AGPAT2: variants seen among roughly 807,000 people sequenced by gnomAD.
AGPAT2 encodes the protein 1-acylglycerol-3-phosphate O-acyltransferase 2.
Under a neutral mutation model 26.1 loss-of-function variants are expected in AGPAT2, and 18 were observed. The observed-to-expected ratio is 0.69, with a 90% confidence interval of 0.48 to 1.02. The LOEUF is 1.02. AGPAT2 is among the 50% of genes least tolerant of loss of function. The pLI, the probability that AGPAT2 is intolerant of heterozygous loss-of-function variation, is 0.00. For missense variants in AGPAT2, 415 were observed against 394.9 expected, an observed-to-expected ratio of 1.05 and a Z score of -0.43; for synonymous variants, 200 against 174.2, an observed-to-expected ratio of 1.15 and a Z score of -1.16.
chr9:136,674,269 T>A (rs1228938573), intron 5 of AGPAT2, among the ~76,000 whole-genome samples: 2 of 152,090 alleles, frequency 1.3e-5, no homozygotes, highest in African/African-American at 2.4e-5. Context: ...TGGAGCTGGG[T>A]TCCCCCACTG....
chr9:136,676,080 C>T (rs1846086423), intron 4 of AGPAT2, among the ~76,000 whole-genome samples: 1 of 152,144 alleles, frequency 6.6e-6, no homozygotes, highest in South Asian at 2.1e-4. Flanking sequence ...CCCTAGGATG[C>T]ACTGCACCCC....
At chr9:136,676,411 C>T (rs1223475071) in intron 4 of AGPAT2, among the ~76,000 whole-genome samples, 174 bp downstream of exon 4, 1 of 152,204 alleles carries the variant, frequency 6.6e-6, no homozygotes, top group Non-Finnish European at 1.5e-5. Flanking sequence ...CCTCCCTGGT[C>T]GGTCAGGGGG....
At position 136,674,770 on chromosome 9, in the gene AGPAT2, G is replaced by T. The variant is rs748693822; in HGVS notation, c.626C>A (p.Ser209Tyr). 6.5e-7 allele frequency: 1 copy of T among 1,533,558 alleles called. No homozygotes were observed. The highest frequency in any genetic ancestry group is 8.8e-7 in the Non-Finnish European group (1 of 1,139,606). The allele number at this position is 1,533,558 out of a possible 1,614,324, so 95.0% of individuals were successfully genotyped here. A position where few individuals can be genotyped will look rare whatever the true frequency, so the allele number is the denominator to read the frequency against. The change falls in exon 5 of 6, where the codon TCC (serine) becomes TAC (tyrosine). Residue 209 changes from serine to tyrosine, a missense_variant. Ser to Tyr is a moderately radical substitution (Grantham distance 144). Transcript: ENST00000371696. ...IVPVVYSSFS[S>Y]FYNTKKKFFT... The stretch of plus-strand genomic sequence containing the variant: ...GAACTTCTTCTTGGTGTTGTAGAAG[G>T]AGGAGAAGGAAGAGTACACCACGGG...
intron 1 of AGPAT2, 38 bp from the exon 2 acceptor site, chr9:136,677,594 T>C: frequency 1.2e-6 from 2 of 1,604,458 alleles, no homozygotes; most frequent in Non-Finnish European, 1.7e-6. Flanking sequence ...GTCCCACAGA[T>C]CCCGCAGCCG....
chr9:136,686,084 G>T (rs139899997), intron 1 of AGPAT2, among the ~76,000 whole-genome samples: 6 of 152,292 alleles, frequency 3.9e-5, no homozygotes, highest in Non-Finnish European at 8.8e-5. Context: ...TCACCATCAG[G>T]CCCAGGGTCC....
At chr9:136,677,875 C>A (rs982201886) in intron 1 of AGPAT2, among the ~76,000 whole-genome samples, 9 of 152,332 alleles carry the variant, frequency 5.9e-5, no homozygotes, top group African/African-American at 1.4e-4. Context: ...TCATCCACCC[C>A]ACAGGGGACC....
chr9:136,687,390 T>TCC lies in AGPAT2; in HGVS notation c.-34_-33insGG. ...CCCGGCGCCCGACGGCGCCGCCAGCTCGCTCCCGCTCCCGCTCCCGCTTCT... is the reference window on the plus strand; with the variant it reads ...CCCGGCGCCCGACGGCGCCGCCAGCTCCCGCTCCCGCTCCCGCTCCCGCTTCT... On this transcript the variant is annotated 5_prime_UTR_variant, in exon 1 of 6. Coordinates refer to ENST00000371696, the MANE Select transcript of AGPAT2 (RefSeq NM_006412.4). 1.4e-6 allele frequency: 2 copies of TCC among 1,417,662 alleles called. No individual in the cohort carries two copies. The highest frequency in any genetic ancestry group is 1.8e-6 in the Non-Finnish European group (2 of 1,092,768). 87.8% of individuals were successfully genotyped at this position (1,417,662 alleles called of 1,614,324 possible). A position where few individuals can be genotyped will look rare whatever the true frequency, so the allele number is the denominator to read the frequency against.
chr9:136,687,131 C>T, intron 1 of AGPAT2, 45 bp downstream of exon 1: 1 of 1,545,870 alleles, frequency 6.5e-7, no homozygotes, highest in Non-Finnish European at 8.7e-7. Context: ...GAAGCGGAAG[C>T]GGCGCGGCGG....
At chr9:136,681,809 C>CA (rs954875534) in intron 1 of AGPAT2, among the ~76,000 whole-genome samples, 5 of 151,884 alleles carry the variant, frequency 3.3e-5, no homozygotes, top group Admixed American at 2.0e-4. Flanking sequence ...CTCACACACA[C>CA]AAAAAAAGTG....
At chr9:136,677,611 G>A (rs1846110613) in intron 1 of AGPAT2, 55 bp from the exon 2 acceptor site, 4 of 1,609,162 alleles carry the variant, frequency 2.5e-6, no homozygotes, top group Non-Finnish European at 3.4e-6. Flanking sequence ...GCCGAGGCTG[G>A]GGCGCGAAGG....
At chr9:136,685,737 C>T (rs1054184678) in intron 1 of AGPAT2, among the ~76,000 whole-genome samples, 2 of 152,158 alleles carry the variant, frequency 1.3e-5, no homozygotes, top group African/African-American at 2.4e-5. Context: ...CTGGGAAAGC[C>T]GCACCCTCGC....
chr9:136,674,798 C>T lies in AGPAT2; in HGVS notation c.598G>A (p.Val200Ile), dbSNP rs17855341. ...GAGAAGGAAGAGTACACCACGGGGA[C>T]GATGGGCACCTGCAGGCAGGGAGAC... Reference protein sequence around the residue: ...YLAVQAQVPIVPVVYSSFSSF... With the variant: ...YLAVQAQVPIIPVVYSSFSSF... Residue 200 changes from valine to isoleucine, a missense_variant, in exon 5 of 6, where the codon GTC (valine) becomes ATC (isoleucine). Val to Ile is a conservative substitution (Grantham distance 29). Coordinates refer to ENST00000371696, the MANE Select transcript of AGPAT2 (RefSeq NM_006412.4). 3.9e-6 allele frequency: 6 copies of T among 1,545,596 alleles called. No homozygotes were observed. The highest frequency in any genetic ancestry group is 1.9e-5 in the Admixed American group (1 of 51,516).
intron 4 of AGPAT2, among the ~76,000 whole-genome samples, chr9:136,676,087 C>G (rs555604853): frequency 2.6e-5 from 4 of 152,156 alleles, no homozygotes; most frequent in African/African-American, 9.6e-5. Context: ...ATGCACTGCA[C>G]CCCTGGAGGC....
In AGPAT2 at chr9:136,677,051, G is replaced by A. The variant is rs1846100805; in HGVS notation, c.402C>T (p.Tyr134=). 8.7e-6 allele frequency: 14 copies of A among 1,613,240 alleles called. No individual in the cohort carries two copies. The East Asian group carries it at 1.1e-4, about 13-fold the overall frequency. ...LFLGPVGLIM[Y]LGGVFFINRQ... is the part of the protein sequence containing the mutation. The stretch of plus-strand genomic sequence containing the variant: ...GGTTGATGAAGAAGACGCCCCCGAG[G>A]TACATGATGAGGCCCACGGGCCCCA... The change falls in exon 3 of 6, where the codon TAC becomes TAT. Residue 134 remains tyrosine (Y), a synonymous_variant. Transcript: ENST00000371696.
intron 1 of AGPAT2, among the ~76,000 whole-genome samples, chr9:136,686,484 C>G (rs539467679): frequency 6.6e-6 from 1 of 152,230 alleles, no homozygotes; most frequent in Admixed American, 6.5e-5. Context: ...AAGCTCCCAC[C>G]TTCTGGAAGG....
intron 1 of AGPAT2, among the ~76,000 whole-genome samples, chr9:136,679,068 G>A (rs1431713853): frequency 6.6e-6 from 1 of 152,174 alleles, no homozygotes; most frequent in Non-Finnish European, 1.5e-5. Context: ...AAAAAAAATT[G>A]TGGTAAAATA....
intron 1 of AGPAT2, 107 bp from the exon 2 acceptor site, chr9:136,677,663 T>G: frequency 1.5e-6 from 2 of 1,365,316 alleles, no homozygotes; most frequent in Non-Finnish European, 2.1e-6. Context: ...GGGGCCCTCC[T>G]GGCACGGGGC....
chr9:136,673,240 C>T lies in AGPAT2; in HGVS notation c.*512G>A, dbSNP rs555467686. On this transcript the variant is annotated 3_prime_UTR_variant, in exon 6 of 6. Transcript: ENST00000371696. ...CAGCAGGAGCAGCAGGCCCCGATTC[C>T]CGGCTCCCTGTGGCCCAGGGTGCGT... is the stretch of plus-strand genomic sequence containing the variant. The T allele has an allele frequency of 1.7e-3, 259 of 153,162 alleles. 1 individual carries two copies. Among genetic ancestry groups the T allele is most frequent in the South Asian group, 9.9e-3 (48 of 4,850 alleles). The allele number at this position is 153,162 out of a possible 1,614,324, so 9.5% of individuals were successfully genotyped here. A position where few individuals can be genotyped will look rare whatever the true frequency, so the allele number is the denominator to read the frequency against.
At chr9:136,680,415 C>G (rs182696555) in intron 1 of AGPAT2, among the ~76,000 whole-genome samples, 1 of 151,998 alleles carries the variant, frequency 6.6e-6, no homozygotes, top group Non-Finnish European at 1.5e-5. Flanking sequence ...TTAGTAGAGA[C>G]GGGGTTTCAC....
Sources: allele counts gnomAD v4.1 joint callset (sites outside exome capture counted in the v4.1 genomes callset), GRCh38; gene constraint gnomAD v4.1.1; transcripts MANE v1.5; gene names NCBI Gene and HGNC (gene_info 2026-07-23, HGNC 2026-07-21).